Variants in PPP1R12B observed in about 807,000 individuals in gnomAD.
The protein encoded by PPP1R12B is protein phosphatase 1 regulatory subunit 12B.
In PPP1R12B, 76 loss-of-function variants were observed where a neutral mutation model predicts 126.1. The ratio of observed to expected loss-of-function variants is 0.60; its 90% CI spans 0.50 to 0.73. PPP1R12B has a LOEUF of 0.73. PPP1R12B is among the 30% of genes least tolerant of loss of function. The pLI is 0.00. For synonymous variants in PPP1R12B, 356 were observed against 434.7 expected (o/e 0.82, Z 2.25); for missense variants, 1,052 against 1,205.1 (o/e 0.87, Z 1.88).
intron 1 of PPP1R12B, among the ~76,000 whole-genome samples, chr1:202,368,656 C>CT (rs971374592): frequency 8.6e-4 from 124 of 145,002 alleles, no homozygotes; most frequent in East Asian, 3.6e-3. Context: ...CTGTATTTTT[C>CT]TTTTTTTTTT....
intron 1 of PPP1R12B, among the ~76,000 whole-genome samples, chr1:202,399,423 GT>G (rs767295411): frequency 5.9e-4 from 90 of 151,402 alleles, no homozygotes; most frequent in Non-Finnish European, 1.0e-3. Context: ...GGCTCATTTT[GT>G]TGTCCAAGCT....
At chr1:202,380,708 GT>G (rs1662109643) in intron 1 of PPP1R12B, among the ~76,000 whole-genome samples, 1 of 152,052 alleles carries the variant, frequency 6.6e-6, no homozygotes, top group Non-Finnish European at 1.5e-5. Context: ...GACTTTTCTG[GT>G]AAATTATTAC....
chr1:202,428,323 A>G (rs1450797520), intron 5 of PPP1R12B, among the ~76,000 whole-genome samples: 1 of 152,202 alleles, frequency 6.6e-6, no homozygotes, highest in Admixed American at 6.5e-5. Context: ...ATTAGTAGAT[A>G]TTCTTATCTG....
rs756466807 is a variant in PPP1R12B, at chr1:202,427,124, G to A, written c.786G>A (p.Val262=). The change falls in exon 5 of 24, where the codon GTG becomes GTA. Residue 262 remains valine (V), a synonymous_variant. Transcript: ENST00000608999. ...TPLHAAAHWG[V]KEACSILAEA... is the part of the protein sequence containing the mutation. ...TCCATGCTGCTGCACACTGGGGAGT[G>A]AAGGAGGCTTGCTCCATCCTGGCAG... is the stretch of plus-strand genomic sequence containing the variant. 1.9e-6 allele frequency: 3 copies of A among 1,614,206 alleles called. No homozygotes were observed. Among genetic ancestry groups the A allele is most frequent in the Non-Finnish European group, 2.5e-6 (3 of 1,180,044 alleles).
Position 202,411,592 on chromosome 1 carries a change from G to GT in PPP1R12B, c.292-5183dup, listed in dbSNP as rs1025231634. Among the ~76,000 whole-genome samples, 172 of 143,388 alleles carry GT rather than the reference G, an allele frequency of 1.2e-3. 1 individual carries two copies. Among genetic ancestry groups the GT allele is most frequent in the African/African-American group, 1.1e-3 (42 of 39,410 alleles). The allele number at this position is 143,388 out of a possible 152,430, so 94.1% of individuals were successfully genotyped here. On this transcript the variant is annotated intron_variant, in intron 1 of 23. Coordinates refer to ENST00000608999, the MANE Select transcript of PPP1R12B (RefSeq NM_002481.4). ...GATCATTGAGGACTAAGTACTTTTT[G>GT]TTTTTTTTTTTTCCCCTTGAGGCAG... is the stretch of plus-strand genomic sequence containing the variant.
chr1:202,489,139 C>CA (rs772474852), intron 14 of PPP1R12B, among the ~76,000 whole-genome samples: 1 of 152,186 alleles, frequency 6.6e-6, no homozygotes, highest in Non-Finnish European at 1.5e-5. Context: ...TACATAGAAC[C>CA]AAATGAATTT....
intron 18 of PPP1R12B, among the ~76,000 whole-genome samples, chr1:202,551,205 TATG>T (rs987780685): frequency 6.6e-6 from 1 of 152,254 alleles, no homozygotes; most frequent in Non-Finnish European, 1.5e-5. Context: ...ATATTTATAA[TATG>T]AACTGAATGT....
chr1:202,390,662 C>CTT (rs35412743), intron 1 of PPP1R12B, among the ~76,000 whole-genome samples: 9 of 135,216 alleles, frequency 6.7e-5, no homozygotes, highest in African/African-American at 1.9e-4. Flanking sequence ...TCACATCCAG[C>CTT]TTTTTTTTTT....
chr1:202,541,441 G>A (rs1448747329), intron 18 of PPP1R12B, among the ~76,000 whole-genome samples: 1 of 152,164 alleles, frequency 6.6e-6, no homozygotes, highest in East Asian at 1.9e-4. Flanking sequence ...CTGTCATCGA[G>A]TTCCAGGAGT....
Position 202,581,691 on chromosome 1 carries a change from A to C in PPP1R12B, c.*1131A>C, listed in dbSNP as rs1365574044. 6.6e-6 allele frequency: 1 copy of C among 152,230 alleles called. No individual in the cohort carries two copies. Among genetic ancestry groups the C allele is most frequent in the African/African-American group, 2.4e-5 (1 of 41,464 alleles). The allele number at this position is 152,230 out of a possible 1,614,324, so 9.4% of individuals were successfully genotyped here. On this transcript the variant is annotated 3_prime_UTR_variant, in exon 24 of 24. Coordinates refer to ENST00000608999, the MANE Select transcript of PPP1R12B (RefSeq NM_002481.4). ...GGAAAGACACATATGGCGAAAGTCAAGTATCTGAGGCCACTTGCAACATTG... is the reference window on the plus strand; with the variant it reads ...GGAAAGACACATATGGCGAAAGTCACGTATCTGAGGCCACTTGCAACATTG...
intron 18 of PPP1R12B, among the ~76,000 whole-genome samples, chr1:202,553,615 AGAG>A (rs907549919): frequency 2.0e-5 from 3 of 152,224 alleles, no homozygotes; most frequent in Non-Finnish European, 4.4e-5. Context: ...GGGAGTGTAC[AGAG>A]GAGGAGGATG....
At chr1:202,446,256 A>ATTTTTTTTT (rs71142531) in intron 12 of PPP1R12B, among the ~76,000 whole-genome samples, 19 of 54,334 alleles carry the variant, frequency 3.5e-4, no homozygotes, top group African/African-American at 1.3e-3. Context: ...ATATATATAT[A>ATTTTTTTTT]TTTTTTTTTT....
chr1:202,408,030 A>G (rs1340367141), intron 1 of PPP1R12B, among the ~76,000 whole-genome samples: 1 of 152,220 alleles, frequency 6.6e-6, no homozygotes, highest in Non-Finnish European at 1.5e-5. Flanking sequence ...ATCTGGAAGG[A>G]TGTGCATAGG....
chr1:202,569,342 C>A, intron 23 of PPP1R12B, 145 bp downstream of exon 23: 4 of 812,124 alleles, frequency 4.9e-6, no homozygotes, highest in Non-Finnish European at 7.8e-6. Context: ...AAGTGAGCAT[C>A]TCTCCTCAGC....
intron 18 of PPP1R12B, among the ~76,000 whole-genome samples, chr1:202,557,807 G>A (rs973410910): frequency 7.2e-5 from 11 of 152,306 alleles, no homozygotes; most frequent in Admixed American, 2.6e-4. Context: ...AAATGTCATC[G>A]TTTATCAAGG....
chr1:202,494,738 A>C (rs1399461139), intron 15 of PPP1R12B, among the ~76,000 whole-genome samples: 1 of 151,972 alleles, frequency 6.6e-6, no homozygotes, highest in Admixed American at 6.6e-5. Flanking sequence ...AAAAGAAAAC[A>C]ACAACAACAA....
chr1:202,471,912 C>T, intron 13 of PPP1R12B: 1 of 1,596,440 alleles, frequency 6.3e-7, no homozygotes, highest in Non-Finnish European at 8.5e-7. Context: ...CCTTGCTTTT[C>T]CTCCCGTAGG....
chr1:202,486,641 C>CA, intron 13 of PPP1R12B, among the ~76,000 whole-genome samples: 1 of 152,118 alleles, frequency 6.6e-6, no homozygotes, highest in Non-Finnish European at 1.5e-5. Context: ...CTCATCTCTA[C>CA]TAAAAATAAA....
intron 1 of PPP1R12B, among the ~76,000 whole-genome samples, chr1:202,412,616 A>G (rs564376190): frequency 7.9e-5 from 12 of 152,322 alleles, no homozygotes; most frequent in Admixed American, 3.3e-4. Context: ...TTTGCAACTC[A>G]GGAAGAAGCA....
Sources: allele counts gnomAD v4.1 joint callset (sites outside exome capture counted in the v4.1 genomes callset), GRCh38; gene constraint gnomAD v4.1.1; transcripts MANE v1.5; gene names NCBI Gene and HGNC (gene_info 2026-07-23, HGNC 2026-07-21).